Variants in CSMD1 observed in about 807,000 individuals in gnomAD.
CSMD1 encodes the protein CUB and sushi domain-containing protein 1.
CSMD1 carries 213 observed loss-of-function variants against 417.5 expected under a neutral mutation model. The observed-to-expected ratio is 0.51, with a 90% confidence interval of 0.46 to 0.57. The LOEUF (loss-of-function observed/expected upper bound fraction) is 0.57, where lower values mean the gene tolerates loss of function less well. CSMD1 is among the 20% of genes least tolerant of loss of function. The pLI is 0.00. For missense variants in CSMD1, 6,923 were observed against 4,529.7 expected, an observed-to-expected ratio of 1.53 and a Z score of -15.17; for synonymous variants, 2,862 against 1,736.8, an observed-to-expected ratio of 1.65 and a Z score of -16.11.
At chr8:3,449,218 C>G (rs1355625329) in intron 12 of CSMD1, among the ~76,000 whole-genome samples, 1 of 152,104 alleles carries the variant, frequency 6.6e-6, no homozygotes, top group Non-Finnish European at 1.5e-5. Context: ...ATAGCATAAA[C>G]CTGAAGAATT....
intron 1 of CSMD1, among the ~76,000 whole-genome samples, chr8:4,833,258 G>A (rs968021430): frequency 3.3e-5 from 5 of 152,216 alleles, no homozygotes; most frequent in Non-Finnish European, 7.3e-5. Flanking sequence ...CAGGAGCATG[G>A]CTGGGAGGCT....
chr8:4,773,976 G>A (rs372206123), intron 1 of CSMD1, among the ~76,000 whole-genome samples: 7 of 152,178 alleles, frequency 4.6e-5, no homozygotes, highest in African/African-American at 7.2e-5. Flanking sequence ...TGGGTGGATC[G>A]CCTCAGGTCA....
chr8:4,032,538 T>A (rs1797402693), intron 3 of CSMD1, among the ~76,000 whole-genome samples: 1 of 152,210 alleles, frequency 6.6e-6, no homozygotes, highest in Admixed American at 6.5e-5. Context: ...TTTTTATGCT[T>A]CCACGACTGG....
At chr8:3,627,490 T>G (rs1324684360) in intron 7 of CSMD1, among the ~76,000 whole-genome samples, 2 of 152,182 alleles carry the variant, frequency 1.3e-5, no homozygotes, top group African/African-American at 2.4e-5. Flanking sequence ...TTATTTTTAT[T>G]TATATAACCT....
At chr8:3,571,808 C>G (rs544873996) in intron 10 of CSMD1, among the ~76,000 whole-genome samples, 1 of 152,128 alleles carries the variant, frequency 6.6e-6, no homozygotes, top group Non-Finnish European at 1.5e-5. Context: ...TGTTTCAGAC[C>G]TTATCATCTT....
At chr8:3,818,659 T>C (rs756427321) in intron 5 of CSMD1, among the ~76,000 whole-genome samples, 4 of 152,140 alleles carry the variant, frequency 2.6e-5, no homozygotes, top group Non-Finnish European at 4.4e-5. Context: ...CATCGTCTGA[T>C]GACAGCAATG....
intron 11 of CSMD1, among the ~76,000 whole-genome samples, chr8:3,476,721 C>A (rs7010940): frequency 6.6e-6 from 1 of 151,714 alleles, no homozygotes; most frequent in Non-Finnish European, 1.5e-5. Context: ...AGTTCGAGAC[C>A]AGCCTGGCCA....
At chr8:4,302,691 G>A (rs1220247753) in intron 3 of CSMD1, among the ~76,000 whole-genome samples, 2 of 152,118 alleles carry the variant, frequency 1.3e-5, no homozygotes, top group Admixed American at 1.3e-4. Flanking sequence ...CTACTAAACT[G>A]GTGTGTATGT....
At chr8:4,087,739 T>C (rs1333021878) in intron 3 of CSMD1, among the ~76,000 whole-genome samples, 1 of 152,172 alleles carries the variant, frequency 6.6e-6, no homozygotes, top group Non-Finnish European at 1.5e-5. Context: ...CTTTCTTCTG[T>C]CTCTCCCGTT....
At chr8:4,920,507 C>A (rs1304596901) in intron 1 of CSMD1, among the ~76,000 whole-genome samples, 1 of 152,084 alleles carries the variant, frequency 6.6e-6, no homozygotes. Flanking sequence ...GATTTAGTTA[C>A]TGGGGACCTG....
chr8:3,901,628 G>A (rs186653455), intron 5 of CSMD1, among the ~76,000 whole-genome samples: 268 of 152,300 alleles, frequency 1.8e-3, no homozygotes, highest in African/African-American at 6.3e-3. Flanking sequence ...AACCACCGAA[G>A]TAAAACAGTA....
chr8:3,127,936 G>GGA (rs1563069428), intron 41 of CSMD1: 207 of 108,752 alleles, frequency 1.9e-3, no homozygotes, highest in African/African-American at 7.2e-3. Context: ...GGAAGGAAGG[G>GGA]AAGGAAAGAA....
chr8:4,441,098 T>TTTTTTTTTTTTTTTTTTG lies in CSMD1; in HGVS notation c.303-21034_303-21033insCAAAAAAAAAAAAAAAAA, dbSNP rs1798448072. Among the ~76,000 whole-genome samples, 3 of 95,784 alleles carry TTTTTTTTTTTTTTTTTTG rather than the reference T, an allele frequency of 3.1e-5. 1 individual carries two copies. The highest frequency in any genetic ancestry group is 6.4e-5 in the Non-Finnish European group (3 of 46,800). 62.8% of individuals were successfully genotyped at this position (95,784 alleles called of 152,430 possible). A position where few individuals can be genotyped will look rare whatever the true frequency, so the allele number is the denominator to read the frequency against. On this transcript the variant is annotated intron_variant, in intron 2 of 69. Coordinates refer to ENST00000635120, the MANE Select transcript of CSMD1 (RefSeq NM_033225.6). ...AATTTGACTCGTTAATCAAAAGGTT[T>TTTTTTTTTTTTTTTTTTG]TTTTTTTTTTTTTTTTTTTTAAGAG...
At chr8:3,904,569 G>C (rs1198721827) in intron 5 of CSMD1, among the ~76,000 whole-genome samples, 2 of 151,612 alleles carry the variant, frequency 1.3e-5, no homozygotes, top group Non-Finnish European at 2.9e-5. Flanking sequence ...ACTTTGGAGA[G>C]TTGGGAATTA....
At chr8:3,034,868 C>G (rs935094518) in intron 50 of CSMD1, among the ~76,000 whole-genome samples, 1 of 152,104 alleles carries the variant, frequency 6.6e-6, no homozygotes, top group East Asian at 1.9e-4. Flanking sequence ...AAGTTAAGAA[C>G]TGGAGCAAAA....
At chr8:4,360,885 C>G (rs979228184) in intron 3 of CSMD1, among the ~76,000 whole-genome samples, 19 of 152,260 alleles carry the variant, frequency 1.2e-4, no homozygotes, top group African/African-American at 4.6e-4. Flanking sequence ...AAAGCACTGA[C>G]AGGTCCCCTG....
intron 2 of CSMD1, among the ~76,000 whole-genome samples, chr8:4,566,524 G>A (rs1798616126): frequency 6.6e-6 from 1 of 151,594 alleles, no homozygotes; most frequent in Non-Finnish European, 1.5e-5. Context: ...GTGGTGGCGG[G>A]CGCCTGCAGT....
intron 1 of CSMD1, among the ~76,000 whole-genome samples, chr8:4,871,373 G>C (rs1802730775): frequency 6.6e-6 from 1 of 151,944 alleles, no homozygotes; most frequent in South Asian, 2.1e-4. Context: ...CATTTCCAAA[G>C]CCCAACAGGT....
chr8:4,420,122 G>T, intron 2 of CSMD1, 57 bp from the exon 3 acceptor site: 2 of 1,141,754 alleles, frequency 1.8e-6, no homozygotes, highest in Non-Finnish European at 2.5e-6. Context: ...GTCAAAAAAA[G>T]CTTATTTGAT....
Sources: allele counts gnomAD v4.1 joint callset (sites outside exome capture counted in the v4.1 genomes callset), GRCh38; gene constraint gnomAD v4.1.1; transcripts MANE v1.5; gene names NCBI Gene and HGNC (gene_info 2026-07-23, HGNC 2026-07-21).